FMN2: variants seen among roughly 807,000 people sequenced by gnomAD.
FMN2 encodes formin-2.
FMN2 carries 51 observed loss-of-function variants against 142.3 expected under a neutral mutation model. That is an observed-to-expected ratio of 0.36 (90% CI 0.29 to 0.45). The LOEUF (loss-of-function observed/expected upper bound fraction) is 0.45, where lower values mean the gene tolerates loss of function less well. Among genes scored for constraint, FMN2 ranks in the 20% least tolerant of loss-of-function variants. FMN2 has a pLI of 1.00. For synonymous variants in FMN2, 882 were observed against 869.8 expected, an observed-to-expected ratio of 1.01 and a Z score of -0.25; for missense variants, 1,936 against 2,122.8, an observed-to-expected ratio of 0.91 and a Z score of 1.73.
At chr1:240,358,982 G>A (rs12081794) in intron 14 of FMN2, among the ~76,000 whole-genome samples, 15,366 of 152,018 alleles carry the variant, frequency 0.1, 958 homozygotes, top group African/African-American at 0.17. Context: ...AAAGTTAGCC[G>A]GGTGTGGTGG....
chr1:240,211,007 C>G, intron 5 of FMN2, 84 bp from the exon 6 acceptor site: 2 of 1,318,068 alleles, frequency 1.5e-6, no homozygotes, highest in Non-Finnish European at 2.1e-6. Context: ...GCCTTCCTCC[C>G]TCCCCTTCTT....
At chr1:240,358,458 T>C (rs1672347722) in intron 14 of FMN2, among the ~76,000 whole-genome samples, 1 of 152,190 alleles carries the variant, frequency 6.6e-6, no homozygotes. Context: ...ATGTTTCCTG[T>C]TCTAGTCCAT....
intron 15 of FMN2, among the ~76,000 whole-genome samples, chr1:240,434,946 A>C (rs1364586101): frequency 1.3e-5 from 2 of 151,822 alleles, no homozygotes; most frequent in African/African-American, 2.4e-5. Flanking sequence ...ATTCTTCTGG[A>C]CACTCTACGT....
At chr1:240,432,087 A>T (rs1675198322) in intron 15 of FMN2, among the ~76,000 whole-genome samples, 1 of 152,004 alleles carries the variant, frequency 6.6e-6, no homozygotes, top group Admixed American at 6.5e-5. Context: ...TCACTTGTGA[A>T]ACAAATAGGG....
rs567050538 is a variant in FMN2 at position 240,467,827 on chromosome 1, T to C, written c.5061-4545T>C. ...GAAGTTTCATAGACAATAAAAGATATTGTAAAATATTAAAATAAACATCAA... is the reference window on the plus strand; with the variant it reads ...GAAGTTTCATAGACAATAAAAGATACTGTAAAATATTAAAATAAACATCAA... On this transcript the variant is annotated intron_variant, in intron 16 of 17. Coordinates refer to ENST00000319653, the MANE Select transcript of FMN2 (RefSeq NM_020066.5). Among the ~76,000 whole-genome samples the C allele has an allele frequency of 2.3e-4, 35 of 152,324 alleles. No individual in the cohort carries two copies. In the South Asian group the frequency reaches 6.8e-3, roughly 30 times the overall value.
At position 240,206,970 on chromosome 1, in the gene FMN2, G is replaced by T. The variant is rs757718908; in HGVS notation, c.2158G>T (p.Asp720Tyr). 6.2e-7 allele frequency: 1 copy of T among 1,614,160 alleles called. No individual in the cohort carries two copies. Among genetic ancestry groups the T allele is most frequent in the Admixed American group, 1.7e-5 (1 of 60,020 alleles). Residue 720 changes from aspartate to tyrosine, a missense_variant, in exon 5 of 18, where the codon GAT (aspartate) becomes TAT (tyrosine). Coordinates refer to ENST00000319653, the MANE Select transcript of FMN2 (RefSeq NM_020066.5). ...TGAGAATGGAGTGACAGCCTCAGGC[G>T]ATGTCTGTCTCGAAGCTCTCAGGTT... The part of the protein sequence containing the change: ...GLENGVTASG[D>Y]VCLEALRLEE...
At chr1:240,174,397 C>T (rs976287255) in intron 2 of FMN2, among the ~76,000 whole-genome samples, 1 of 152,140 alleles carries the variant, frequency 6.6e-6, no homozygotes, top group African/African-American at 2.4e-5. Flanking sequence ...CTCTGTTGTC[C>T]AGGCTAGAGT....
chr1:240,144,306 A>G (rs1461221061), intron 2 of FMN2: 2 of 1,607,336 alleles, frequency 1.2e-6, no homozygotes, highest in Admixed American at 3.3e-5. Flanking sequence ...CTGCCCCCAA[A>G]CCTGTTGTTC....
At chr1:240,205,104 G>A (rs911884216) in intron 4 of FMN2, among the ~76,000 whole-genome samples, 1 of 151,966 alleles carries the variant, frequency 6.6e-6, no homozygotes, top group African/African-American at 2.4e-5. Context: ...TCCCAGGTGG[G>A]TAAGAAGCGT....
chr1:240,255,858 A>C (rs764735582), intron 6 of FMN2, among the ~76,000 whole-genome samples: 2 of 152,182 alleles, frequency 1.3e-5, no homozygotes, highest in Non-Finnish European at 2.9e-5. Flanking sequence ...TACAGGAGAA[A>C]TTATAGGTTA....
intron 4 of FMN2, among the ~76,000 whole-genome samples, chr1:240,189,265 A>G (rs1397116381): frequency 2.0e-5 from 3 of 152,318 alleles, no homozygotes; most frequent in Admixed American, 6.5e-5. Flanking sequence ...TTGCTTACAA[A>G]CCAATTTACA....
At chr1:240,111,150 G>A (rs926031951) in intron 1 of FMN2, among the ~76,000 whole-genome samples, 1 of 152,078 alleles carries the variant, frequency 6.6e-6, no homozygotes, top group Non-Finnish European at 1.5e-5. Flanking sequence ...AGTAATCCTC[G>A]GAGGTAATGA....
chr1:240,219,008 G>T (rs1027016983), intron 6 of FMN2, among the ~76,000 whole-genome samples: 2 of 152,100 alleles, frequency 1.3e-5, no homozygotes, highest in African/African-American at 4.8e-5. Flanking sequence ...GGGCCTTGAA[G>T]AATTTATTTG....
intron 6 of FMN2, among the ~76,000 whole-genome samples, chr1:240,254,838 G>A (rs1208102024): frequency 6.6e-6 from 1 of 152,166 alleles, no homozygotes; most frequent in Non-Finnish European, 1.5e-5. Flanking sequence ...CCGGGGATGT[G>A]GAGATGCAGG....
chr1:240,119,324 A>C (rs1383305614), intron 1 of FMN2, among the ~76,000 whole-genome samples: 1 of 145,374 alleles, frequency 6.9e-6, no homozygotes, highest in Non-Finnish European at 1.5e-5. Context: ...GCGAGACTCC[A>C]TCTCAAAAAA....
chr1:240,410,935 C>A (rs1463003048), intron 15 of FMN2, among the ~76,000 whole-genome samples: 1 of 152,172 alleles, frequency 6.6e-6, no homozygotes, highest in Non-Finnish European at 1.5e-5. Context: ...GCTGTTTTCT[C>A]TGATACTTTC....
At chr1:240,422,268 T>C (rs937140857) in intron 15 of FMN2, among the ~76,000 whole-genome samples, 2 of 152,214 alleles carry the variant, frequency 1.3e-5, no homozygotes, top group African/African-American at 2.4e-5. Flanking sequence ...GAATCAATTG[T>C]TGATATCTAC....
Position 240,286,946 on chromosome 1 carries a change from G to A in FMN2, c.4154-7876G>A, listed in dbSNP as rs550961592. On this transcript the variant is annotated intron_variant, in intron 7 of 17. Coordinates refer to ENST00000319653, the MANE Select transcript of FMN2 (RefSeq NM_020066.5). ...AATTGTTGTGTAGTTATTTGTCGAT[G>A]TGTCTTTCTACTTCACTATACTGTC... Among the ~76,000 whole-genome samples the A allele has an allele frequency of 3.9e-5, 6 of 152,280 alleles. No homozygotes were observed. The South Asian group carries it at 6.2e-4, about 16-fold the overall frequency.
rs35191164 is a variant in FMN2, at chr1:240,098,097, A to ATTTTTT, written c.1615+4389_1615+4394dup. On this transcript the variant is annotated intron_variant, in intron 1 of 17. Transcript: ENST00000319653. ...TTGGCCTTTCTAAAGGTTATCTTGA[A>ATTTTTT]TTTTTTTTTTTTTTTTTTTTTGGAG... 4.5e-3 allele frequency among the ~76,000 whole-genome samples: 441 copies of ATTTTTT among 98,614 alleles called. 24 individuals carry two copies. Among genetic ancestry groups the ATTTTTT allele is most frequent in the African/African-American group, 0.019 (404 of 21,808 alleles). The allele number at this position is 98,614 out of a possible 152,430, so 64.7% of individuals were successfully genotyped here. A position where few individuals can be genotyped will look rare whatever the true frequency, so the allele number is the denominator to read the frequency against.
Sources: allele counts gnomAD v4.1 joint callset (sites outside exome capture counted in the v4.1 genomes callset), GRCh38; gene constraint gnomAD v4.1.1; transcripts MANE v1.5; gene names NCBI Gene and HGNC (gene_info 2026-07-23, HGNC 2026-07-21).